The following SNRPE variants were observed in gnomAD, a reference collection of about 807,000 sequenced individuals.
SNRPE encodes small nuclear ribonucleoprotein E.
For synonymous variants in SNRPE, 35 were observed against 36.7 expected (o/e 0.95, Z 0.17); for missense variants, 53 against 111.6 (o/e 0.48, Z 2.36).
chr1:203,861,869 C>T (rs1689984384), intron 1 of SNRPE, 156 bp downstream of exon 1: 1 of 688,442 alleles, frequency 1.5e-6, no homozygotes, highest in Non-Finnish European at 2.7e-6. Flanking sequence ...GTAGTTGAAC[C>T]GTGATGGTGG....
chr1:203,863,199 G>A (rs1212629134), intron 2 of SNRPE, among the ~76,000 whole-genome samples: 1 of 102,006 alleles, frequency 9.8e-6, no homozygotes, highest in Non-Finnish European at 1.8e-5. Flanking sequence ...TGGGGGGCGG[G>A]GGGCGGGGAG....
chr1:203,865,260 C>A, intron 4 of SNRPE, 141 bp downstream of exon 4: 2 of 731,618 alleles, frequency 2.7e-6, no homozygotes, highest in Non-Finnish European at 4.4e-6. Context: ...CTTTTGAAAT[C>A]ATCCTCTACT....
chr1:203,862,137 G>C (rs1194121550), intron 1 of SNRPE, 59 bp from the exon 2 acceptor site: 2 of 1,384,160 alleles, frequency 1.4e-6, no homozygotes, highest in East Asian at 4.6e-5. Context: ...TCGTCCGGTT[G>C]TTTCAGGAAG....
rs750770553 is a variant in SNRPE at position 203,861,632 on chromosome 1, G to A, written c.-28G>A. 3.1e-6 allele frequency: 5 copies of A among 1,597,986 alleles called. No homozygotes were observed. In the Admixed American group the frequency reaches 8.3e-5, roughly 27 times the overall value. On this transcript the variant is annotated 5_prime_UTR_variant, in exon 1 of 5. Coordinates refer to ENST00000414487, the MANE Select transcript of SNRPE (RefSeq NM_003094.4). ...CGGAAGTTGCTCTCAGAGGCAGCGTGCGGGTGTGCTCTTTGTGAAATTCCA... is the reference window on the plus strand; with the variant it reads ...CGGAAGTTGCTCTCAGAGGCAGCGTACGGGTGTGCTCTTTGTGAAATTCCA...
intron 3 of SNRPE, 150 bp from the exon 4 acceptor site, chr1:203,864,891 A>T (rs945123359): frequency 1.6e-6 from 1 of 631,576 alleles, no homozygotes; most frequent in African/African-American, 1.9e-5. Context: ...AAAAAAAAAA[A>T]AAAAAAAAAA....
rs1572403067 is a variant in SNRPE at position 203,863,648 on chromosome 1, T to A, written c.82-15T>A. ...TTTTCTTTTTTTAACGTTTCCACTT[T>A]TATGATTATTTCAGAGATCGCGGAT... On this transcript the variant is annotated splice_polypyrimidine_tract_variant and intron_variant, in intron 2 of 4. Transcript: ENST00000414487. 7 of 1,605,468 alleles carry A rather than the reference T, an allele frequency of 4.4e-6. No individual in the cohort carries two copies. In the South Asian group the frequency reaches 7.7e-5, roughly 18 times the overall value.
At chr1:203,863,621 AT>A in intron 2 of SNRPE, 41 bp from the exon 3 acceptor site, 1 of 1,512,868 alleles carries the variant, frequency 6.6e-7, no homozygotes, top group Non-Finnish European at 9.2e-7. Flanking sequence ...GCCCGGCCCT[AT>A]TTTTCTTTTT....
intron 2 of SNRPE, 76 bp downstream of exon 2, chr1:203,862,298 C>T: frequency 9.9e-7 from 1 of 1,008,870 alleles, no homozygotes; most frequent in Non-Finnish European, 1.6e-6. Context: ...TTAACCTGAG[C>T]GATCGCTGTG....
At chr1:203,868,678 TA>T (rs1423264631) in intron 4 of SNRPE, among the ~76,000 whole-genome samples, 1 of 152,152 alleles carries the variant, frequency 6.6e-6, no homozygotes, top group East Asian at 1.9e-4. Flanking sequence ...TTTATTTATT[TA>T]TTTTTTTGGA....
intron 3 of SNRPE, among the ~76,000 whole-genome samples, chr1:203,864,494 C>A (rs906417556): frequency 6.6e-6 from 1 of 151,486 alleles, no homozygotes; most frequent in East Asian, 1.9e-4. Flanking sequence ...CAGCTCACTG[C>A]AATCTTGAAC....
chr1:203,862,838 T>C (rs1558156113), intron 2 of SNRPE, among the ~76,000 whole-genome samples: 1 of 152,138 alleles, frequency 6.6e-6, no homozygotes, highest in South Asian at 2.1e-4. Context: ...GTGTGTGACA[T>C]GAGAAGGCTT....
intron 4 of SNRPE, among the ~76,000 whole-genome samples, chr1:203,868,489 C>A (rs1690140961): frequency 6.6e-6 from 1 of 152,134 alleles, no homozygotes; most frequent in Non-Finnish European, 1.5e-5. Context: ...TTGTTAAATG[C>A]TCACTAATAC....
chr1:203,866,065 TTCC>T (rs1451603950), intron 4 of SNRPE, among the ~76,000 whole-genome samples: 2 of 151,874 alleles, frequency 1.3e-5, no homozygotes, highest in Admixed American at 6.6e-5. Flanking sequence ...TTCAGCTCCT[TTCC>T]TCCTCCCCGG....
chr1:203,861,909 G>T, intron 1 of SNRPE, 196 bp downstream of exon 1: 1 of 624,604 alleles, frequency 1.6e-6, no homozygotes, highest in Admixed American at 2.7e-5. Flanking sequence ...CCCCTGCCGT[G>T]GGGAATGCAG....
Position 203,870,175 on chromosome 1 carries a change from T to TG in SNRPE, c.*244dup, listed in dbSNP as rs1207032123. 5.7e-5 allele frequency: 20 copies of TG among 351,646 alleles called. No individual in the cohort carries two copies. Among genetic ancestry groups the TG allele is most frequent in the African/African-American group, 3.8e-4 (18 of 46,996 alleles). The allele number at this position is 351,646 out of a possible 1,614,324, so 21.8% of individuals were successfully genotyped here. ...ATTTAGTTTTCTGAAGGGTCGCAGT[T>TG]GCCTTGAGCACTTGGTATTCGCAGA... On this transcript the variant is annotated 3_prime_UTR_variant, in exon 5 of 5. Transcript: ENST00000414487.
intron 4 of SNRPE, among the ~76,000 whole-genome samples, chr1:203,868,755 C>T (rs1234012626): frequency 6.6e-6 from 1 of 152,082 alleles, no homozygotes; most frequent in African/African-American, 2.4e-5. Context: ...CTGCAACCTC[C>T]ACCTCCTGGG....
chr1:203,865,568 C>T (rs534166795), intron 4 of SNRPE, among the ~76,000 whole-genome samples: 24 of 152,252 alleles, frequency 1.6e-4, no homozygotes, highest in Admixed American at 7.8e-4. Context: ...GCAATCAGTT[C>T]GGCAGTGGAC....
intron 4 of SNRPE, among the ~76,000 whole-genome samples, chr1:203,865,829 T>A (rs1690076026): frequency 6.6e-6 from 1 of 152,196 alleles, no homozygotes; most frequent in African/African-American, 2.4e-5. Flanking sequence ...GGGAAACACT[T>A]GTATTTACTG....
At position 203,863,630 on chromosome 1, in the gene SNRPE, T is replaced by C. The variant is rs775958436; in HGVS notation, c.82-33T>C. On this transcript the variant is annotated intron_variant, in intron 2 of 4. Coordinates refer to ENST00000414487, the MANE Select transcript of SNRPE (RefSeq NM_003094.4). ...CACCGCGCCCGGCCCTATTTTTCTT[T>C]TTTTAACGTTTCCACTTTTATGATT... The C allele has an allele frequency of 5.0e-6, 8 of 1,585,622 alleles. No homozygotes were observed. In the South Asian group the frequency reaches 8.9e-5, roughly 18 times the overall value.
Sources: gnomAD v4.1 joint callset for allele counts (sites outside exome capture counted in the v4.1 genomes callset) on GRCh38, gnomAD v4.1.1 for gene constraint, MANE v1.5 for transcripts, NCBI Gene and HGNC (gene_info 2026-07-23, HGNC 2026-07-21) for gene names.